WWOX: variants seen among roughly 807,000 people sequenced by gnomAD.
The protein encoded by WWOX is WW domain-containing oxidoreductase.
WWOX carries 69 observed loss-of-function variants against 46.2 expected under a neutral mutation model. The ratio of observed to expected loss-of-function variants is 1.49; its 90% CI spans 1.23 to 1.82. The LOEUF (loss-of-function observed/expected upper bound fraction) is 1.82, where lower values mean the gene tolerates loss of function less well. WWOX is among the 40% of genes most tolerant of loss of function. WWOX has a pLI of 0.00. For synonymous variants in WWOX, 359 were observed against 202.6 expected (o/e 1.77, Z -6.56); for missense variants, 919 against 542.6 (o/e 1.69, Z -6.89).
At chr16:78,839,431 G>C (rs1223412379) in intron 8 of WWOX, among the ~76,000 whole-genome samples, 1 of 152,136 alleles carries the variant, frequency 6.6e-6, no homozygotes, top group Non-Finnish European at 1.5e-5. Flanking sequence ...ACAAAAGACA[G>C]CAACAAGATC....
chr16:78,754,176 G>C (rs772233868), intron 8 of WWOX, among the ~76,000 whole-genome samples: 1 of 151,948 alleles, frequency 6.6e-6, no homozygotes, highest in Non-Finnish European at 1.5e-5. Context: ...CTTGGTCCCT[G>C]GGGATGCCAT....
rs768767190 is a variant in WWOX, at chr16:79,212,030, G to T, written c.*234G>T. The stretch of plus-strand genomic sequence containing the variant: ...TAGGCATAGGTCTCTTTGCTTTCTG[G>T]TGGTGGCCTGTTTGAAAGTAAAAAC... On this transcript the variant is annotated 3_prime_UTR_variant, in exon 9 of 9. Transcript: ENST00000566780. 6 of 1,536,222 alleles carry T rather than the reference G, an allele frequency of 3.9e-6. No homozygotes were observed. The highest frequency in any genetic ancestry group is 3.3e-4 in the Middle Eastern group (2 of 5,990).
intron 8 of WWOX, among the ~76,000 whole-genome samples, chr16:78,814,058 C>A (rs12925461): frequency 1.3e-5 from 2 of 152,024 alleles, no homozygotes; most frequent in South Asian, 2.1e-4. Flanking sequence ...TCTGCACTTA[C>A]CAATACTGCC....
intron 8 of WWOX, among the ~76,000 whole-genome samples, chr16:78,698,918 T>C (rs146369656): frequency 1.3e-5 from 2 of 152,334 alleles, no homozygotes; most frequent in Middle Eastern, 3.4e-3. Context: ...TTTCAACTTA[T>C]GGTCACCATT....
chr16:79,075,950 G>T (rs1322457671), intron 8 of WWOX, among the ~76,000 whole-genome samples: 2 of 152,174 alleles, frequency 1.3e-5, no homozygotes, highest in Non-Finnish European at 2.9e-5. Context: ...TCTAACGTTG[G>T]ATCATGTGTG....
chr16:78,196,871 C>G (rs1163463189), intron 5 of WWOX, among the ~76,000 whole-genome samples: 2 of 152,186 alleles, frequency 1.3e-5, no homozygotes, highest in African/African-American at 4.8e-5. Flanking sequence ...ATCCACAAGG[C>G]AATTTTATCA....
chr16:78,137,289 C>T (rs1275404553), intron 4 of WWOX, among the ~76,000 whole-genome samples: 1 of 152,178 alleles, frequency 6.6e-6, no homozygotes, highest in African/African-American at 2.4e-5. Flanking sequence ...CCTCACCCTC[C>T]GATAACTAGA....
intron 8 of WWOX, among the ~76,000 whole-genome samples, chr16:79,032,651 A>G (rs1222428846): frequency 7.2e-6 from 1 of 139,494 alleles, no homozygotes; most frequent in African/African-American, 2.9e-5. Context: ...TAGAGCGTGT[A>G]TATTATTTAC....
intron 8 of WWOX, among the ~76,000 whole-genome samples, chr16:78,451,047 C>T (rs2151411247): frequency 6.6e-6 from 1 of 152,294 alleles, no homozygotes. Flanking sequence ...CTGTGGTTTG[C>T]TTTCCCGTTA....
chr16:78,445,437 G>A (rs4268758), intron 8 of WWOX, among the ~76,000 whole-genome samples: 23,006 of 152,148 alleles, frequency 0.15, 2,338 homozygotes, highest in East Asian at 0.3. Context: ...ACAGAATGCT[G>A]TACAAGGTCC....
intron 5 of WWOX, among the ~76,000 whole-genome samples, chr16:78,214,305 C>G (rs1425117422): frequency 6.6e-6 from 1 of 150,404 alleles, no homozygotes; most frequent in Non-Finnish European, 1.5e-5. Flanking sequence ...AAGTACTGAA[C>G]CTCTCTGAAC....
At chr16:78,706,040 C>T (rs2048321059) in intron 8 of WWOX, among the ~76,000 whole-genome samples, 1 of 142,498 alleles carries the variant, frequency 7.0e-6, no homozygotes, top group South Asian at 2.2e-4. Context: ...ACTTTGTCTC[C>T]AGTCAGAGTT....
intron 8 of WWOX, among the ~76,000 whole-genome samples, chr16:78,572,652 G>C (rs997890051): frequency 7.2e-6 from 1 of 138,700 alleles, no homozygotes; most frequent in Non-Finnish European, 1.5e-5. Context: ...AATATATACA[G>C]TATGATTCAA....
chr16:78,341,926 G>T (rs368123391), intron 5 of WWOX, among the ~76,000 whole-genome samples: 1 of 115,382 alleles, frequency 8.7e-6, no homozygotes, highest in East Asian at 1.9e-4. Flanking sequence ...GACTAGCCTT[G>T]GCAACATAGC....
chr16:79,043,508 G>T (rs995823566), intron 8 of WWOX, among the ~76,000 whole-genome samples: 1 of 152,152 alleles, frequency 6.6e-6, no homozygotes, highest in Admixed American at 6.5e-5. Context: ...TCCAGGGGTA[G>T]ACGTGAGTTC....
intron 8 of WWOX, among the ~76,000 whole-genome samples, chr16:79,168,706 A>G (rs2150764345): frequency 6.6e-6 from 1 of 152,160 alleles, no homozygotes; most frequent in Non-Finnish European, 1.5e-5. Context: ...CCCCTCAGGG[A>G]AGAGGAGGAA....
At chr16:79,122,396 G>T (rs955675694) in intron 8 of WWOX, among the ~76,000 whole-genome samples, 8 of 152,158 alleles carry the variant, frequency 5.3e-5, no homozygotes, top group African/African-American at 1.9e-4. Context: ...CCAATATTAA[G>T]AACGGAGAAA....
intron 5 of WWOX, among the ~76,000 whole-genome samples, chr16:78,198,395 G>A (rs1567625781): frequency 6.6e-6 from 1 of 152,162 alleles, no homozygotes; most frequent in Non-Finnish European, 1.5e-5. Flanking sequence ...AAAATCCAGT[G>A]TTATAGGAGA....
intron 8 of WWOX, chr16:78,691,353 T>C (rs1206735346): frequency 8.7e-6 from 6 of 691,608 alleles, no homozygotes; most frequent in South Asian, 6.1e-5. Context: ...CTTTATCTTA[T>C]GACAAAGGTG....
Sources: allele counts gnomAD v4.1 joint callset (sites outside exome capture counted in the v4.1 genomes callset), GRCh38; gene constraint gnomAD v4.1.1; transcripts MANE v1.5; gene names NCBI Gene and HGNC (gene_info 2026-07-23, HGNC 2026-07-21).